The following SASH1 variants were observed in gnomAD, a reference collection of about 807,000 sequenced individuals.
SASH1 encodes SAM and SH3 domain containing 1.
In SASH1, 44 loss-of-function variants were observed where a neutral mutation model predicts 125.2. The ratio of observed to expected loss-of-function variants is 0.35; its 90% CI spans 0.28 to 0.45. The LOEUF (loss-of-function observed/expected upper bound fraction) is 0.45, where lower values mean the gene tolerates loss of function less well. SASH1 is among the 20% of genes least tolerant of loss of function. The probability of loss-of-function intolerance (pLI) is 1.00; values close to 1 mark genes in which losing one functional copy is unlikely to be tolerated. For synonymous variants in SASH1, 639 were observed against 649.1 expected (o/e 0.98, Z 0.24); for missense variants, 1,426 against 1,614.5 (o/e 0.88, Z 2.00).
intron 19 of SASH1, among the ~76,000 whole-genome samples, chr6:148,547,005 A>G (rs543307240): frequency 6.8e-4 from 104 of 152,326 alleles, no homozygotes; most frequent in African/African-American, 2.4e-3. Context: ...TGTATATATT[A>G]TACACAAATT....
intron 2 of SASH1, among the ~76,000 whole-genome samples, chr6:148,410,343 T>C (rs1272259078): frequency 6.6e-6 from 1 of 151,956 alleles, no homozygotes; most frequent in Non-Finnish European, 1.5e-5. Flanking sequence ...ACCCCTGACC[T>C]TGTGATCTGC....
chr6:148,296,993 A>G (rs1779782625), intron 1 of SASH1, among the ~76,000 whole-genome samples: 1 of 152,224 alleles, frequency 6.6e-6, no homozygotes, highest in Admixed American at 6.5e-5. Context: ...AGGTTAACCT[A>G]AGGAAAGAAA....
chr6:148,379,033 T>C (rs931884829), intron 1 of SASH1, among the ~76,000 whole-genome samples: 3 of 152,216 alleles, frequency 2.0e-5, no homozygotes, highest in African/African-American at 7.2e-5. Context: ...GAGAGGTTTT[T>C]GTGTGGGTGC....
In SASH1 at chr6:148,468,589, A is replaced by G. The variant is rs1482086669; in HGVS notation, c.427+4A>G. The G allele has an allele frequency of 1.3e-6, 2 of 1,590,206 alleles. No homozygotes were observed. On this transcript the variant is annotated splice_donor_region_variant and intron_variant, in intron 5 of 19. Coordinates refer to ENST00000367467, the MANE Select transcript of SASH1 (RefSeq NM_015278.5). Reference sequence around the variant, plus strand: ...AACTCAGAAGACAGCTCTGTAGGTCAGTACCACTTTTCTTGGTTTACCTAT... The same window carrying G: ...AACTCAGAAGACAGCTCTGTAGGTCGGTACCACTTTTCTTGGTTTACCTAT...
chr6:148,324,381 C>T (rs2076026423), intron 1 of SASH1, among the ~76,000 whole-genome samples: 1 of 152,120 alleles, frequency 6.6e-6, no homozygotes, highest in Non-Finnish European at 1.5e-5. Context: ...TTTTCCCTCT[C>T]AAACCTGCTC....
intron 1 of SASH1, among the ~76,000 whole-genome samples, chr6:148,324,875 G>A (rs1329429655): frequency 6.6e-6 from 1 of 152,122 alleles, no homozygotes; most frequent in Non-Finnish European, 1.5e-5. Flanking sequence ...CCCGGAACTG[G>A]GCCACCGATG....
chr6:148,318,705 A>G (rs1780549265), intron 1 of SASH1, among the ~76,000 whole-genome samples: 1 of 147,616 alleles, frequency 6.8e-6, no homozygotes, highest in Admixed American at 7.0e-5. Flanking sequence ...GGCGCCGGCC[A>G]CCACGCTCAG....
At chr6:148,292,635 A>G (rs4434491) in intron 1 of SASH1, among the ~76,000 whole-genome samples, 75,808 of 152,022 alleles carry the variant, frequency 0.5, 19,652 homozygotes, top group East Asian at 0.65. Flanking sequence ...CATGTGGCTA[A>G]AGCCAGAGCT....
At chr6:148,291,588 G>A (rs941454881) in intron 1 of SASH1, among the ~76,000 whole-genome samples, 3 of 152,128 alleles carry the variant, frequency 2.0e-5, no homozygotes, top group African/African-American at 7.2e-5. Context: ...GGAGTCTGAG[G>A]TGGGTGGATC....
chr6:148,458,845 G>A (rs534297010), intron 4 of SASH1, among the ~76,000 whole-genome samples: 1 of 151,932 alleles, frequency 6.6e-6, no homozygotes, highest in Admixed American at 6.6e-5. Context: ...CATGCGACTC[G>A]AGTCCCAGCT....
rs539885721 is a variant in SASH1, at chr6:148,361,975, G to A, written c.156+18752G>A. On this transcript the variant is annotated intron_variant, in intron 1 of 19. Transcript: ENST00000367467. ...GTCGCCCAGGCTGGAGTGCAGTGGC[G>A]CGATCTCGGCTCACTGCAAGCTCCG... 3.1e-4 allele frequency among the ~76,000 whole-genome samples: 45 copies of A among 146,718 alleles called. No homozygotes were observed. In the South Asian group the frequency reaches 5.7e-3, roughly 19 times the overall value.
intron 7 of SASH1, among the ~76,000 whole-genome samples, chr6:148,482,451 A>C (rs1562447976): frequency 6.6e-6 from 1 of 152,218 alleles, no homozygotes; most frequent in Non-Finnish European, 1.5e-5. Context: ...GTCAGAAATA[A>C]AGTCCTTTGG....
At chr6:148,330,653 T>G (rs1780967076) in intron 1 of SASH1, among the ~76,000 whole-genome samples, 1 of 152,224 alleles carries the variant, frequency 6.6e-6, no homozygotes, top group South Asian at 2.1e-4. Flanking sequence ...TGGCACGATC[T>G]CTGCTCACTG....
chr6:148,390,402 G>C (rs1783653510), intron 2 of SASH1, 140 bp downstream of exon 2: 1 of 827,386 alleles, frequency 1.2e-6, no homozygotes, highest in African/African-American at 1.7e-5. Context: ...AGAATGTTCA[G>C]GTCCCTAAAA....
At chr6:148,426,433 G>C (rs1347694362) in intron 2 of SASH1, among the ~76,000 whole-genome samples, 1 of 151,986 alleles carries the variant, frequency 6.6e-6, no homozygotes, top group African/African-American at 2.4e-5. Flanking sequence ...TCCTCCAATT[G>C]ATCCTGAGTA....
intron 1 of SASH1, among the ~76,000 whole-genome samples, chr6:148,281,053 C>T (rs1779327698): frequency 6.6e-6 from 1 of 151,638 alleles, no homozygotes; most frequent in African/African-American, 2.4e-5. Context: ...AGCAATTCTC[C>T]TGCCTCAGCC....
chr6:148,538,450 AG>A (rs1237997797), intron 16 of SASH1, among the ~76,000 whole-genome samples: 3 of 152,230 alleles, frequency 2.0e-5, no homozygotes, highest in Non-Finnish European at 4.4e-5. Flanking sequence ...GCCACTGCAA[AG>A]CCACAGGCTC....
the SASH1 span, among the ~76,000 whole-genome samples, chr6:148,197,857 T>G: frequency 6.6e-6 from 1 of 152,120 alleles, no homozygotes; most frequent in Non-Finnish European, 1.5e-5. Flanking sequence ...GTTTTGTTTT[T>G]GTTTTGTTTT....
intron 1 of SASH1, among the ~76,000 whole-genome samples, chr6:148,363,692 G>T (rs1479552252): frequency 6.6e-6 from 1 of 151,874 alleles, no homozygotes. Flanking sequence ...AAGCCACCAC[G>T]CCCGGCCGAT....
Sources: gnomAD v4.1 joint callset for allele counts (sites outside exome capture counted in the v4.1 genomes callset) on GRCh38, gnomAD v4.1.1 for gene constraint, MANE v1.5 for transcripts, NCBI Gene and HGNC (gene_info 2026-07-23, HGNC 2026-07-21) for gene names.